DOCK6: variants seen among roughly 807,000 people sequenced by gnomAD.
DOCK6 encodes dedicator of cytokinesis 6.
Under a neutral mutation model 230.3 loss-of-function variants are expected in DOCK6, and 167 were observed. The observed-to-expected ratio is 0.73, with a 90% confidence interval of 0.64 to 0.82. The LOEUF is 0.82. DOCK6 is among the 40% of genes least tolerant of loss of function. The pLI, the probability that DOCK6 is intolerant of heterozygous loss-of-function variation, is 0.00. For synonymous variants in DOCK6, 1,148 were observed against 1,185.0 expected (o/e 0.97, Z 0.64); for missense variants, 2,598 against 2,825.8 (o/e 0.92, Z 1.83).
chr19:11,262,150 G>T (rs1441148352), intron 1 of DOCK6, among the ~76,000 whole-genome samples: 1 of 152,012 alleles, frequency 6.6e-6, no homozygotes, highest in East Asian at 1.9e-4. Context: ...GCGCGTCACG[G>T]AGGCAGAACG....
intron 1 of DOCK6, among the ~76,000 whole-genome samples, chr19:11,255,307 CTT>C (rs34628990): frequency 1.6e-3 from 213 of 135,916 alleles, no homozygotes; most frequent in Admixed American, 1.9e-3. Context: ...TCCCGGCCTA[CTT>C]TTTTTTTTTT....
At position 11,236,717 on chromosome 19, in the gene DOCK6, C is replaced by A; in HGVS notation, c.2160+76G>T. 6.5e-7 allele frequency: 1 copy of A among 1,531,540 alleles called. No homozygotes were observed. The highest frequency in any genetic ancestry group is 2.0e-5 in the Admixed American group (1 of 50,718). 94.9% of individuals were successfully genotyped at this position (1,531,540 alleles called of 1,614,324 possible). On this transcript the variant is annotated intron_variant, in intron 19 of 47. Coordinates refer to ENST00000294618, the MANE Select transcript of DOCK6 (RefSeq NM_020812.4). The surrounding 1 kb of genome is among the most constrained non-coding windows in gnomAD (Gnocchi z 5.2). Reference sequence around the variant, plus strand: ...CCTGAGGCCAGACCTCCCCGGCCATCGGCAACTGTTACTCAATCGTAGGGC... The same window carrying A: ...CCTGAGGCCAGACCTCCCCGGCCATAGGCAACTGTTACTCAATCGTAGGGC...
Position 11,217,259 on chromosome 19 carries a change from C to A in DOCK6, c.3683G>T (p.Arg1228Leu). Residue 1228 changes from arginine to leucine, a missense_variant, in exon 29 of 48, where the codon CGG becomes CTG. Physicochemically the swap from Arg to Leu is moderately radical, Grantham distance 102 (BLOSUM62 -2). Coordinates refer to ENST00000294618, the MANE Select transcript of DOCK6 (RefSeq NM_020812.4). ...TGGTGGCCCCTGGGAGATGCTGGCCCGGGAGCCAGGGGCTAGGGGGCCACC... is the reference window on the plus strand; with the variant it reads ...TGGTGGCCCCTGGGAGATGCTGGCCAGGGAGCCAGGGGCTAGGGGGCCACC... ...IAGGPLAPGS[R>L]ASISQGPPTA... 1 of 1,612,678 alleles carries A rather than the reference C, an allele frequency of 6.2e-7. No homozygotes were observed. The highest frequency in any genetic ancestry group is 8.5e-7 in the Non-Finnish European group (1 of 1,179,538).
Position 11,261,848 on chromosome 19 carries a change from C to T in DOCK6, c.44+549G>A, listed in dbSNP as rs1003876939. Among the ~76,000 whole-genome samples, 10 of 152,206 alleles carry T rather than the reference C, an allele frequency of 6.6e-5. No homozygotes were observed. The East Asian group carries it at 1.4e-3, about 21-fold the overall frequency. On this transcript the variant is annotated intron_variant, in intron 1 of 47. Transcript: ENST00000294618. ...CGTCCACAGCTGTCCCCCTTCCCCC[C>T]CCCCGACAGCTGGGCACTGGACCCT...
Position 11,211,761 on chromosome 19 carries a change from G to C in DOCK6, c.4751+15C>G. The C allele has an allele frequency of 6.5e-7, 1 of 1,542,434 alleles. No individual in the cohort carries two copies. Among genetic ancestry groups the C allele is most frequent in the Non-Finnish European group, 8.8e-7 (1 of 1,139,330 alleles). ...GGCGTGGGCGTGGCTGAAGGTGCCAGCTGGCCCACCTCACCTGTACATGAG... is the reference window on the plus strand; with the variant it reads ...GGCGTGGGCGTGGCTGAAGGTGCCACCTGGCCCACCTCACCTGTACATGAG... On this transcript the variant is annotated intron_variant, in intron 37 of 47. Transcript: ENST00000294618.
intron 1 of DOCK6, among the ~76,000 whole-genome samples, chr19:11,260,676 A>G (rs2080270020): frequency 6.6e-6 from 1 of 151,576 alleles, no homozygotes; most frequent in African/African-American, 2.4e-5. Flanking sequence ...TGAGGTCAGG[A>G]GTTCGTGACC....
rs546529326 is a variant in DOCK6 at position 11,259,877 on chromosome 19, C to T, written c.44+2520G>A. Among the ~76,000 whole-genome samples, 154 of 46,274 alleles carry T rather than the reference C, an allele frequency of 3.3e-3. 1 individual carries two copies. The highest frequency in any genetic ancestry group is 8.9e-3 in the African/African-American group (145 of 16,340). 30.4% of individuals were successfully genotyped at this position (46,274 alleles called of 152,430 possible). On this transcript the variant is annotated intron_variant, in intron 1 of 47. Transcript: ENST00000294618. ...GATTACAGACCTGGGCCGCCGCGCC[C>T]GGCCTTTTTTTTTTTTTTTTTTTTG...
chr19:11,250,764 A>G, intron 6 of DOCK6, 110 bp downstream of exon 6: 3 of 1,077,862 alleles, frequency 2.8e-6, no homozygotes, highest in Non-Finnish European at 4.0e-6. Context: ...TCGGATTAAT[A>G]CAGGTGTATA....
At chr19:11,249,191 C>A (rs542618095) in intron 6 of DOCK6, among the ~76,000 whole-genome samples, 1 of 152,300 alleles carries the variant, frequency 6.6e-6, no homozygotes, top group African/African-American at 2.4e-5. Context: ...GTACCCAATA[C>A]ATGCTTGTTG....
Position 11,199,319 on chromosome 19 carries a change from TAAA to T in DOCK6, c.*175_*177del. ...GTTGCTTATAAAAACCATTTTAAATTAAAAAAGGGAGGAAGCATCAGTGCACAC... is the reference window on the plus strand; with the variant it reads ...GTTGCTTATAAAAACCATTTTAAATTAAAGGGAGGAAGCATCAGTGCACAC... On this transcript the variant is annotated 3_prime_UTR_variant, in exon 48 of 48. Transcript: ENST00000294618. The T allele has an allele frequency of 1.3e-6, 1 of 755,264 alleles. No individual in the cohort carries two copies. Among genetic ancestry groups the T allele is most frequent in the South Asian group, 1.8e-5 (1 of 54,730 alleles). 46.8% of individuals were successfully genotyped at this position (755,264 alleles called of 1,614,324 possible).
At chr19:11,218,581 G>A (rs2079530533) in intron 28 of DOCK6, among the ~76,000 whole-genome samples, 1 of 152,138 alleles carries the variant, frequency 6.6e-6, no homozygotes, top group Non-Finnish European at 1.5e-5. Context: ...CTGAGTAGTT[G>A]GAACTGCAGG....
intron 1 of DOCK6, among the ~76,000 whole-genome samples, 170 bp downstream of exon 1, chr19:11,262,227 G>A (rs978029168): frequency 2.6e-5 from 4 of 151,914 alleles, no homozygotes; most frequent in Non-Finnish European, 5.9e-5. Flanking sequence ...GACCCCCGCG[G>A]CCCTCCCCGC....
intron 18 of DOCK6, 38 bp downstream of exon 18, chr19:11,237,418 G>C: frequency 6.2e-7 from 1 of 1,610,520 alleles, no homozygotes; most frequent in South Asian, 1.1e-5. Flanking sequence ...TGCTTCTGGG[G>C]ACAGTGCATT....
At chr19:11,239,132 G>A (rs1410709672) in intron 14 of DOCK6, among the ~76,000 whole-genome samples, 2 of 152,120 alleles carry the variant, frequency 1.3e-5, no homozygotes, top group African/African-American at 2.4e-5. Flanking sequence ...GGCATATGCA[G>A]GTCTTGGAGA....
Position 11,251,850 on chromosome 19 carries a change from C to T in DOCK6, c.507+269G>A. On this transcript the variant is annotated intron_variant, in intron 5 of 47. Coordinates refer to ENST00000294618, the MANE Select transcript of DOCK6 (RefSeq NM_020812.4). ...AATACAGGCTCACGGCCTCTAAGAA[C>T]CTTGCTGTGCCTCAGTTTCCTTACC... 8 of 477,830 alleles carry T rather than the reference C, an allele frequency of 1.7e-5. No homozygotes were observed. The South Asian group carries it at 1.8e-4, about 11-fold the overall frequency. The allele number at this position is 477,830 out of a possible 1,614,324, so 29.6% of individuals were successfully genotyped here.
At position 11,260,507 on chromosome 19, in the gene DOCK6, G is replaced by A. The variant is rs112332420; in HGVS notation, c.44+1890C>T. On this transcript the variant is annotated intron_variant, in intron 1 of 47. Coordinates refer to ENST00000294618, the MANE Select transcript of DOCK6 (RefSeq NM_020812.4). ...AGGCAGGAGGATCACTTGAGCCCGGGAGATTGAGACTGCAGTGAGCCAAGG... is the reference window on the plus strand; with the variant it reads ...AGGCAGGAGGATCACTTGAGCCCGGAAGATTGAGACTGCAGTGAGCCAAGG... Among the ~76,000 whole-genome samples the A allele has an allele frequency of 2.4e-4, 37 of 151,920 alleles. 1 individual carries two copies. Among genetic ancestry groups the A allele is most frequent in the African/African-American group, 8.4e-4 (35 of 41,432 alleles).
Position 11,222,730 on chromosome 19 carries a change from C to G in DOCK6, c.3240+5G>C. On this transcript the variant is annotated splice_donor_5th_base_variant and intron_variant, in intron 26 of 47. Coordinates refer to ENST00000294618, the MANE Select transcript of DOCK6 (RefSeq NM_020812.4). The surrounding 1 kb of genome is among the most constrained non-coding windows in gnomAD (Gnocchi z 4.0). ...AGAGAGGAGGCAGAAGTGAAGGCAG[C>G]CCACCTGGGAGGTGGTGGAGGACAC... The G allele has an allele frequency of 1.3e-6, 2 of 1,561,774 alleles. No individual in the cohort carries two copies. The highest frequency in any genetic ancestry group is 1.7e-6 in the Non-Finnish European group (2 of 1,151,892).
At chr19:11,248,992 A>G (rs1271069312) in intron 6 of DOCK6, among the ~76,000 whole-genome samples, 2 of 152,206 alleles carry the variant, frequency 1.3e-5, no homozygotes, top group African/African-American at 4.8e-5. Flanking sequence ...TTGAATAAAT[A>G]TGGGTGTATA....
At chr19:11,204,830 C>T (rs1274077766) in intron 39 of DOCK6, among the ~76,000 whole-genome samples, 1 of 152,192 alleles carries the variant, frequency 6.6e-6, no homozygotes, top group Non-Finnish European at 1.5e-5. Context: ...GTGTGAGCCA[C>T]CACTCTCCCA....
Sources: gnomAD v4.1 joint callset for allele counts (sites outside exome capture counted in the v4.1 genomes callset) on GRCh38, gnomAD v4.1.1 for gene constraint, Gnocchi (gnomAD v3.1) non-coding constraint, MANE v1.5 for transcripts, NCBI Gene and HGNC (gene_info 2026-07-23, HGNC 2026-07-21) for gene names.